SSBP2: variants seen among roughly 807,000 people sequenced by gnomAD.
SSBP2 encodes single-stranded DNA-binding protein 2.
A neutral mutation model predicts 61.8 loss-of-function variants in SSBP2; 17 were observed. The ratio of observed to expected loss-of-function variants is 0.28; its 90% confidence interval spans 0.19 to 0.41. The LOEUF is 0.41. Among genes scored for constraint, SSBP2 ranks in the 10% least tolerant of loss-of-function variants. The probability of loss-of-function intolerance (pLI) is 1.00; values close to 1 mark genes in which losing one functional copy is unlikely to be tolerated. For synonymous variants in SSBP2, 139 were observed against 141.3 expected (o/e 0.98, Z 0.12); for missense variants, 310 against 458.7 (o/e 0.68, Z 2.96).
chr5:81,627,730 A>G (rs1335970729), intron 3 of SSBP2, among the ~76,000 whole-genome samples: 1 of 152,166 alleles, frequency 6.6e-6, no homozygotes, highest in African/African-American at 2.4e-5. Context: ...AAGTCACTTT[A>G]AAAGGTGCTC....
chr5:81,592,015 G>A (rs1474080714), intron 4 of SSBP2, among the ~76,000 whole-genome samples: 4 of 152,234 alleles, frequency 2.6e-5, no homozygotes, highest in Admixed American at 6.5e-5. Context: ...CGCACTGTGC[G>A]CAAGCCGAAG....
At chr5:81,680,332 AATTT>A (rs1438332814) in intron 1 of SSBP2, among the ~76,000 whole-genome samples, 3 of 147,406 alleles carry the variant, frequency 2.0e-5, no homozygotes, top group Non-Finnish European at 4.5e-5. Context: ...TATAATATAT[AATTT>A]ATTATATATA....
intron 1 of SSBP2, among the ~76,000 whole-genome samples, chr5:81,681,296 G>A (rs1752359084): frequency 6.6e-6 from 1 of 152,138 alleles, no homozygotes; most frequent in Non-Finnish European, 1.5e-5. Context: ...GAGGAGGGCA[G>A]ATCACCTGAG....
At chr5:81,587,735 A>G (rs1163863174) in intron 4 of SSBP2, among the ~76,000 whole-genome samples, 1 of 146,194 alleles carries the variant, frequency 6.8e-6, no homozygotes, top group Admixed American at 7.1e-5. Context: ...GTCTCAAAAC[A>G]TACACACACA....
intron 1 of SSBP2, among the ~76,000 whole-genome samples, chr5:81,741,328 G>C (rs1384857394): frequency 6.6e-6 from 1 of 152,194 alleles, no homozygotes; most frequent in Admixed American, 6.5e-5. Context: ...AGGGCACATA[G>C]AAGGCGGGAG....
intron 10 of SSBP2, among the ~76,000 whole-genome samples, chr5:81,453,601 C>T (rs1002996557): frequency 9.2e-5 from 14 of 151,728 alleles, no homozygotes; most frequent in African/African-American, 3.1e-4. Flanking sequence ...GGACTACAGG[C>T]GCCCGCCACC....
intron 4 of SSBP2, among the ~76,000 whole-genome samples, chr5:81,522,783 C>T (rs1041755392): frequency 1.3e-4 from 20 of 152,040 alleles, no homozygotes; most frequent in Admixed American, 2.0e-4. Context: ...CTTAGTCACC[C>T]ACTCACAGTC....
At chr5:81,629,514 G>A (rs1747493192) in intron 3 of SSBP2, among the ~76,000 whole-genome samples, 1 of 152,168 alleles carries the variant, frequency 6.6e-6, no homozygotes, top group Non-Finnish European at 1.5e-5. Flanking sequence ...TTGAGTGTAT[G>A]ATCATCCCTT....
chr5:81,695,541 G>A (rs1292995494), intron 1 of SSBP2, among the ~76,000 whole-genome samples: 1 of 130,050 alleles, frequency 7.7e-6, no homozygotes, highest in African/African-American at 3.0e-5. Context: ...GATGTTCCCT[G>A]CCCTGTGTCC....
In SSBP2 at chr5:81,413,474, A is replaced by G. The variant is rs1761207935; in HGVS notation, c.*7030T>C. ...TACAAATACTTCTATTTTTCCAGGA[A>G]GATATTATAGGTAACAATTTAACAC... On this transcript the variant is annotated 3_prime_UTR_variant, in exon 17 of 17. Coordinates refer to ENST00000320672, the MANE Select transcript of SSBP2 (RefSeq NM_012446.5). The G allele has an allele frequency of 6.6e-6, 1 of 152,342 alleles. No homozygotes were observed. The highest frequency in any genetic ancestry group is 2.1e-4 in the South Asian group (1 of 4,824). The allele number at this position is 152,342 out of a possible 1,614,324, so 9.4% of individuals were successfully genotyped here. A position where few individuals can be genotyped will look rare whatever the true frequency, so the allele number is the denominator to read the frequency against.
chr5:81,568,651 A>G lies in SSBP2; in HGVS notation c.282+46822T>C, dbSNP rs141692408. ...AAATAACGTAGCTGTCATTGTACAA[A>G]TATCACTACCATTATAAAAAGAACA... On this transcript the variant is annotated intron_variant, in intron 4 of 16. Transcript: ENST00000320672. Among the ~76,000 whole-genome samples the G allele has an allele frequency of 7.5e-4, 114 of 152,348 alleles. 2 individuals are homozygous for G. In the East Asian group the frequency reaches 0.021, roughly 28 times the overall value.
rs1406823918 is a variant in SSBP2, at chr5:81,419,745, C to T, written c.*759G>A. 1 of 152,182 alleles carries T rather than the reference C, an allele frequency of 6.6e-6. No individual in the cohort carries two copies. The highest frequency in any genetic ancestry group is 1.9e-4 in the East Asian group (1 of 5,198). The allele number at this position is 152,182 out of a possible 1,614,324, so 9.4% of individuals were successfully genotyped here. A position where few individuals can be genotyped will look rare whatever the true frequency, so the allele number is the denominator to read the frequency against. On this transcript the variant is annotated 3_prime_UTR_variant, in exon 17 of 17. Transcript: ENST00000320672. ...TTAAAGCAGTTATTGCAGAAATATACTGTGTGAGGCCCCAGTTAAGCTTTT... is the reference window on the plus strand; with the variant it reads ...TTAAAGCAGTTATTGCAGAAATATATTGTGTGAGGCCCCAGTTAAGCTTTT...
chr5:81,518,374 AG>A (rs1769201302), intron 4 of SSBP2, among the ~76,000 whole-genome samples: 1 of 152,060 alleles, frequency 6.6e-6, no homozygotes, highest in African/African-American at 2.4e-5. Flanking sequence ...CGGGCCCTTT[AG>A]GAGGTGAGTA....
At chr5:81,614,367 A>G (rs1365153520) in intron 4 of SSBP2, among the ~76,000 whole-genome samples, 1 of 151,076 alleles carries the variant, frequency 6.6e-6, no homozygotes, top group Non-Finnish European at 1.5e-5. Flanking sequence ...CTCAAAAAAA[A>G]AAAAAAAAAA....
chr5:81,663,336 CATT>C (rs1430952468), intron 1 of SSBP2, among the ~76,000 whole-genome samples: 1 of 152,078 alleles, frequency 6.6e-6, no homozygotes, highest in East Asian at 1.9e-4. Flanking sequence ...TATAACAAAT[CATT>C]ATTTAACAGA....
rs1054742625 is a variant in SSBP2, at chr5:81,417,597, A to G, written c.*2907T>C. 1 of 152,262 alleles carries G rather than the reference A, an allele frequency of 6.6e-6. No homozygotes were observed. Among genetic ancestry groups the G allele is most frequent in the East Asian group, 1.9e-4 (1 of 5,208 alleles). 9.4% of individuals were successfully genotyped at this position (152,262 alleles called of 1,614,324 possible). A position where few individuals can be genotyped will look rare whatever the true frequency, so the allele number is the denominator to read the frequency against. On this transcript the variant is annotated 3_prime_UTR_variant, in exon 17 of 17. Coordinates refer to ENST00000320672, the MANE Select transcript of SSBP2 (RefSeq NM_012446.5). ...TGCATTGATAAAGATGGAAAACACA[A>G]GAGAAAAACATTAAATAGTCTTATT...
At chr5:81,543,802 A>G (rs930667559) in intron 4 of SSBP2, among the ~76,000 whole-genome samples, 7 of 152,248 alleles carry the variant, frequency 4.6e-5, no homozygotes, top group Non-Finnish European at 8.8e-5. Context: ...AATGTCATTT[A>G]AAACAAGACA....
chr5:81,542,548 C>T (rs575481832), intron 4 of SSBP2, among the ~76,000 whole-genome samples: 1 of 152,008 alleles, frequency 6.6e-6, no homozygotes, highest in Admixed American at 6.5e-5. Context: ...AAAATAGATG[C>T]ATAGTATTCC....
At chr5:81,735,641 A>G (rs1448768701) in intron 1 of SSBP2, among the ~76,000 whole-genome samples, 2 of 152,206 alleles carry the variant, frequency 1.3e-5, no homozygotes, top group Non-Finnish European at 2.9e-5. Context: ...TTTTTAATCC[A>G]CTATTGGTTG....
Sources: gnomAD v4.1 joint callset for allele counts (sites outside exome capture counted in the v4.1 genomes callset) on GRCh38, gnomAD v4.1.1 for gene constraint, MANE v1.5 for transcripts, NCBI Gene and HGNC (gene_info 2026-07-23, HGNC 2026-07-21) for gene names.